Variants in GRM3 observed in about 807,000 individuals in gnomAD.
GRM3 encodes the protein glutamate metabotropic receptor 3.
In GRM3, 26 loss-of-function variants were observed where a neutral mutation model predicts 70.5. The observed-to-expected ratio is 0.37, with a 90% CI of 0.27 to 0.51. GRM3 has a LOEUF of 0.51. GRM3 is among the 20% of genes least tolerant of loss of function. GRM3 has a pLI of 0.93. For missense variants in GRM3, 859 were observed against 1,123.8 expected, an observed-to-expected ratio of 0.76 and a Z score of 3.37; for synonymous variants, 443 against 434.9, an observed-to-expected ratio of 1.02 and a Z score of -0.23.
At chr7:86,814,545 C>G (rs964561658) in intron 3 of GRM3, among the ~76,000 whole-genome samples, 2 of 151,788 alleles carry the variant, frequency 1.3e-5, no homozygotes, top group Non-Finnish European at 2.9e-5. Flanking sequence ...GAAATACACT[C>G]TCTTGAAGAT....
chr7:86,730,114 CA>C (rs552724044), intron 1 of GRM3, among the ~76,000 whole-genome samples: 1 of 147,022 alleles, frequency 6.8e-6, no homozygotes. Flanking sequence ...AACTCTGCCT[CA>C]AAAAAAATAA....
chr7:86,743,019 T>C (rs1796023506), intron 1 of GRM3, among the ~76,000 whole-genome samples: 1 of 152,140 alleles, frequency 6.6e-6, no homozygotes, highest in Non-Finnish European at 1.5e-5. Context: ...TTAAATAACT[T>C]CCTCAAAGTC....
chr7:86,751,990 C>T (rs1318037067), intron 1 of GRM3, among the ~76,000 whole-genome samples: 1 of 152,086 alleles, frequency 6.6e-6, no homozygotes, highest in East Asian at 1.9e-4. Context: ...TCACTTCAGA[C>T]CTGCTTTTGT....
At chr7:86,821,428 C>T (rs1393601389) in intron 3 of GRM3, among the ~76,000 whole-genome samples, 2 of 152,056 alleles carry the variant, frequency 1.3e-5, no homozygotes, top group Non-Finnish European at 1.5e-5. Flanking sequence ...ATTGAATACC[C>T]GATAGATGGC....
intron 1 of GRM3, among the ~76,000 whole-genome samples, chr7:86,687,724 G>C (rs2116007202): frequency 6.6e-6 from 1 of 151,920 alleles, no homozygotes; most frequent in Middle Eastern, 3.4e-3. Flanking sequence ...AATTGCATAT[G>C]GGCTAGTAAA....
At chr7:86,762,721 T>C (rs373949827) in intron 1 of GRM3, among the ~76,000 whole-genome samples, 3 of 152,276 alleles carry the variant, frequency 2.0e-5, no homozygotes, top group African/African-American at 7.2e-5. Context: ...GAATACTTGA[T>C]CTTTCCTGGT....
intron 2 of GRM3, among the ~76,000 whole-genome samples, chr7:86,769,604 A>C (rs919013485): frequency 2.6e-5 from 4 of 152,136 alleles, no homozygotes; most frequent in African/African-American, 9.7e-5. Flanking sequence ...AAGGCAGCAT[A>C]GGAGATATGC....
At chr7:86,798,227 G>A (rs1162308208) in intron 3 of GRM3, among the ~76,000 whole-genome samples, 1 of 152,122 alleles carries the variant, frequency 6.6e-6, no homozygotes, top group African/African-American at 2.4e-5. Context: ...CCAGACCTGA[G>A]GATGGTAGAT....
chr7:86,680,289 G>A (rs763097520), intron 1 of GRM3, among the ~76,000 whole-genome samples: 4 of 152,150 alleles, frequency 2.6e-5, no homozygotes, highest in East Asian at 1.9e-4. Context: ...CTCAGGATGT[G>A]TATTTATTAT....
At chr7:86,840,930 CAGTT>C (rs1168603783) in intron 4 of GRM3, among the ~76,000 whole-genome samples, 1 of 152,042 alleles carries the variant, frequency 6.6e-6, no homozygotes, top group African/African-American at 2.4e-5. Flanking sequence ...TACAAAATTT[CAGTT>C]AGATAGGAAG....
intron 3 of GRM3, among the ~76,000 whole-genome samples, chr7:86,838,510 C>A (rs1798500821): frequency 6.6e-6 from 1 of 152,128 alleles, no homozygotes; most frequent in Non-Finnish European, 1.5e-5. Context: ...ATCATGAAGT[C>A]TTTCAAGAAG....
intron 1 of GRM3, among the ~76,000 whole-genome samples, chr7:86,698,448 A>G (rs1794875535): frequency 6.6e-6 from 1 of 151,042 alleles, no homozygotes; most frequent in Non-Finnish European, 1.5e-5. Context: ...ACCCCCCACC[A>G]CAAATAGAAA....
chr7:86,709,967 T>C lies in GRM3; in HGVS notation c.-140-55039T>C, dbSNP rs533773247. On this transcript the variant is annotated intron_variant, in intron 1 of 5. Transcript: ENST00000361669. ...AGTTAAGCAATGGGAATAACCTATT[T>C]GAGGAACCAATATGATGGCATGTCT... The C allele has an allele frequency of 5.7e-4, 87 of 152,202 alleles. 1 individual carries two copies. The highest frequency in any genetic ancestry group is 1.7e-3 in the African/African-American group (71 of 41,558). 9.4% of individuals were successfully genotyped at this position (152,202 alleles called of 1,614,324 possible).
chr7:86,706,226 G>A (rs181644167), intron 1 of GRM3, among the ~76,000 whole-genome samples: 1 of 152,142 alleles, frequency 6.6e-6, no homozygotes, highest in African/African-American at 2.4e-5. Flanking sequence ...ACAGTTTAGT[G>A]CTAAAAATAC....
chr7:86,764,690 T>G (rs1025313754), intron 1 of GRM3, among the ~76,000 whole-genome samples: 1 of 152,062 alleles, frequency 6.6e-6, no homozygotes, highest in African/African-American at 2.4e-5. Flanking sequence ...AGTACTGGAC[T>G]TGGCTTTCAA....
chr7:86,658,305 T>C (rs947888748), intron 1 of GRM3, among the ~76,000 whole-genome samples: 4 of 152,200 alleles, frequency 2.6e-5, no homozygotes, highest in Admixed American at 6.5e-5. Context: ...TGAGACATGG[T>C]TTACCTGGCC....
In GRM3 at chr7:86,778,920, A is replaced by T. The variant is rs552932167; in HGVS notation, c.469-7341A>T. Among the ~76,000 whole-genome samples, 43 of 152,320 alleles carry T rather than the reference A, an allele frequency of 2.8e-4. 1 individual carries two copies. Among genetic ancestry groups the T allele is most frequent in the Non-Finnish European group, 5.3e-4 (36 of 68,022 alleles). On this transcript the variant is annotated intron_variant, in intron 2 of 5. Transcript: ENST00000361669. ...TGTACTTAGGTTAGGATGAGGTCAT[A>T]CTGAAGTAGGGTAGGTTCCTAATTC...
At chr7:86,722,199 A>G (rs1226116003) in intron 1 of GRM3, among the ~76,000 whole-genome samples, 3 of 152,044 alleles carry the variant, frequency 2.0e-5, no homozygotes, top group Admixed American at 1.3e-4. Context: ...TTATTCTCAG[A>G]AAACTTTTTT....
chr7:86,767,838 C>G (rs1331447774), intron 2 of GRM3, among the ~76,000 whole-genome samples: 3 of 151,952 alleles, frequency 2.0e-5, no homozygotes, highest in Non-Finnish European at 4.4e-5. Flanking sequence ...CTTTTACTAC[C>G]TATTTACTTC....
Sources: gnomAD v4.1 joint callset for allele counts (sites outside exome capture counted in the v4.1 genomes callset) on GRCh38, gnomAD v4.1.1 for gene constraint, MANE v1.5 for transcripts, NCBI Gene and HGNC (gene_info 2026-07-23, HGNC 2026-07-21) for gene names.